Variants in SKAP1 observed in about 807,000 individuals in gnomAD.
SKAP1 encodes src kinase-associated phosphoprotein 1.
SKAP1 carries 44 observed loss-of-function variants against 58.5 expected under a neutral mutation model. The ratio of observed to expected loss-of-function variants is 0.75; its 90% CI spans 0.59 to 0.97. SKAP1 has a LOEUF of 0.97. SKAP1 is among the 50% of genes least tolerant of loss of function. The pLI is 0.00. For synonymous variants in SKAP1, 127 were observed against 149.7 expected, an observed-to-expected ratio of 0.85 and a Z score of 1.11; for missense variants, 390 against 435.2, an observed-to-expected ratio of 0.90 and a Z score of 0.92.
intron 11 of SKAP1, among the ~76,000 whole-genome samples, chr17:48,158,682 C>G (rs1052425695): frequency 6.6e-6 from 1 of 151,682 alleles, no homozygotes; most frequent in Non-Finnish European, 1.5e-5. Flanking sequence ...CAGCAGAGGC[C>G]GGGCGCAGTG....
chr17:48,391,336 T>G (rs886920152), intron 2 of SKAP1, among the ~76,000 whole-genome samples: 22 of 152,154 alleles, frequency 1.4e-4, no homozygotes, highest in African/African-American at 4.6e-4. Flanking sequence ...TCAAAGCTAT[T>G]TTGAAAGGAC....
intron 4 of SKAP1, among the ~76,000 whole-genome samples, chr17:48,283,961 T>C (rs560027600): frequency 1.3e-5 from 2 of 152,374 alleles, no homozygotes; most frequent in South Asian, 4.1e-4. Flanking sequence ...ATTCTCTGTC[T>C]ACTCCTCTTA....
intron 1 of SKAP1, among the ~76,000 whole-genome samples, chr17:48,413,945 C>T (rs145611517): frequency 1.2e-4 from 18 of 152,160 alleles, no homozygotes; most frequent in Non-Finnish European, 2.4e-4. Flanking sequence ...TGAACAATAC[C>T]GCATGGTGTA....
intron 1 of SKAP1, 42 bp from the exon 2 acceptor site, chr17:48,396,827 A>G: frequency 7.1e-7 from 1 of 1,417,970 alleles, no homozygotes; most frequent in Non-Finnish European, 9.9e-7. Context: ...AAGATGTACT[A>G]AGGGAGAAAG....
chr17:48,303,203 T>C (rs2066085884), intron 4 of SKAP1, among the ~76,000 whole-genome samples: 1 of 152,178 alleles, frequency 6.6e-6, no homozygotes. Context: ...CACAAGCAAC[T>C]TTAAATTTGC....
chr17:48,141,662 C>A (rs552487986), intron 11 of SKAP1, among the ~76,000 whole-genome samples: 1 of 152,324 alleles, frequency 6.6e-6, no homozygotes, highest in South Asian at 2.1e-4. Flanking sequence ...CAGGCATGAG[C>A]CACTGTGCCT....
intron 11 of SKAP1, among the ~76,000 whole-genome samples, chr17:48,161,381 T>A (rs1567799790): frequency 6.6e-6 from 1 of 152,250 alleles, no homozygotes; most frequent in Non-Finnish European, 1.5e-5. Context: ...TTTGTAGAGA[T>A]TGATTGGCTG....
chr17:48,442,984 C>A, the SKAP1 span, among the ~76,000 whole-genome samples: 1 of 152,134 alleles, frequency 6.6e-6, no homozygotes, highest in African/African-American at 2.4e-5. Flanking sequence ...CTGCATGGAC[C>A]CTTTACTCTC....
chr17:48,268,287 A>G (rs530286773), intron 4 of SKAP1, among the ~76,000 whole-genome samples: 16 of 150,742 alleles, frequency 1.1e-4, no homozygotes, highest in Admixed American at 1.1e-3. Context: ...AAAAACCCAC[A>G]CCTGTGTTAC....
At chr17:48,432,135 G>C (rs1468707608), upstream of SKAP1, among the ~76,000 whole-genome samples, 1 of 152,164 alleles carries the variant, frequency 6.6e-6, no homozygotes, top group Non-Finnish European at 1.5e-5. Flanking sequence ...CCCTGAGAAA[G>C]TATAGTAATG....
chr17:48,425,582 T>G (rs1238931202), intron 1 of SKAP1, among the ~76,000 whole-genome samples: 1 of 152,182 alleles, frequency 6.6e-6, no homozygotes, highest in Non-Finnish European at 1.5e-5. Flanking sequence ...CAATCCAGTT[T>G]CAAAAATTAA....
At chr17:48,341,712 AG>A (rs1333268922) in intron 4 of SKAP1, among the ~76,000 whole-genome samples, 1 of 152,164 alleles carries the variant, frequency 6.6e-6, no homozygotes, top group Non-Finnish European at 1.5e-5. Flanking sequence ...TGATAGTTAC[AG>A]GTCTTTCCTT....
chr17:48,187,670 C>T (rs1412411252), intron 6 of SKAP1, among the ~76,000 whole-genome samples, 173 bp downstream of exon 6: 2 of 152,090 alleles, frequency 1.3e-5, no homozygotes, highest in Non-Finnish European at 2.9e-5. Flanking sequence ...AAATTGGGTT[C>T]TGCTTTTTCG....
At chr17:48,265,706 A>G (rs529234309) in intron 4 of SKAP1, among the ~76,000 whole-genome samples, 1 of 152,294 alleles carries the variant, frequency 6.6e-6, no homozygotes, top group South Asian at 2.1e-4. Context: ...CACTCTGGCT[A>G]GAGGTGTGTC....
intron 2 of SKAP1, among the ~76,000 whole-genome samples, chr17:48,384,054 CT>C (rs1291251932): frequency 6.6e-6 from 1 of 152,074 alleles, no homozygotes; most frequent in African/African-American, 2.4e-5. Flanking sequence ...AAAGTTTGCT[CT>C]TTCAACATGG....
intron 4 of SKAP1, among the ~76,000 whole-genome samples, chr17:48,269,444 A>G (rs2065598878): frequency 6.6e-6 from 1 of 152,200 alleles, no homozygotes; most frequent in African/African-American, 2.4e-5. Context: ...CATAAGTGGG[A>G]AGAGCTTCAG....
chr17:48,425,032 G>A (rs1180802729), intron 1 of SKAP1, among the ~76,000 whole-genome samples: 3 of 152,140 alleles, frequency 2.0e-5, no homozygotes, highest in African/African-American at 7.2e-5. Flanking sequence ...GGCTGAGGCA[G>A]GCAGATCATG....
chr17:48,214,800 T>C (rs2064917499), intron 4 of SKAP1, among the ~76,000 whole-genome samples: 1 of 151,496 alleles, frequency 6.6e-6, no homozygotes, highest in South Asian at 2.1e-4. Flanking sequence ...TGCGTGCCTG[T>C]AGTCCCAGCT....
At chr17:48,193,037 G>GCTTT (rs949192063) in intron 4 of SKAP1, among the ~76,000 whole-genome samples, 1 of 151,946 alleles carries the variant, frequency 6.6e-6, no homozygotes, top group Non-Finnish European at 1.5e-5. Context: ...GTGTTATGTT[G>GCTTT]CTTTCTTTCT....
Sources: allele counts gnomAD v4.1 joint callset (sites outside exome capture counted in the v4.1 genomes callset), GRCh38; gene constraint gnomAD v4.1.1; transcripts MANE v1.5; gene names NCBI Gene and HGNC (gene_info 2026-07-23, HGNC 2026-07-21).